The following ZNF529 variants were observed in gnomAD, a reference collection of about 807,000 sequenced individuals.
ZNF529 encodes the protein zinc finger protein 529.
Under a neutral mutation model 10.1 loss-of-function variants are expected in ZNF529, and 11 were observed. The ratio of observed to expected loss-of-function variants is 1.09; its 90% confidence interval spans 0.69 to 1.81. ZNF529 has a LOEUF of 1.81. Among genes scored for constraint, ZNF529 ranks in the 40% most tolerant of loss-of-function variants. ZNF529 has a pLI of 0.00. For missense variants in ZNF529, 624 were observed against 666.8 expected, an observed-to-expected ratio of 0.94 and a Z score of 0.71; for synonymous variants, 204 against 215.7, an observed-to-expected ratio of 0.95 and a Z score of 0.47.
intron 4 of ZNF529, among the ~76,000 whole-genome samples, chr19:36,552,241 T>C (rs1325694024): frequency 2.0e-5 from 3 of 151,996 alleles, no homozygotes; most frequent in Non-Finnish European, 4.4e-5. Context: ...CTATCCTGGC[T>C]AACACGGTGA....
chr19:36,573,597 T>G (rs1600322253), upstream of ZNF529: 2 of 416,048 alleles, frequency 4.8e-6, no homozygotes, highest in Non-Finnish European at 1.0e-5. Context: ...GGGGCGAGGG[T>G]GGTCTTGGGG....
intron 4 of ZNF529, among the ~76,000 whole-genome samples, chr19:36,550,483 T>G (rs1468037715): frequency 6.6e-6 from 1 of 151,854 alleles, no homozygotes; most frequent in Non-Finnish European, 1.5e-5. Context: ...GAGACGGAGG[T>G]TGCAGTGAGC....
chr19:36,568,438 CT>C (rs1349080084), intron 2 of ZNF529, among the ~76,000 whole-genome samples: 1 of 69,508 alleles, frequency 1.4e-5, no homozygotes, highest in Non-Finnish European at 3.8e-5. Context: ...CCTTGAGGTA[CT>C]GAGGTACTGG....
chr19:36,568,564 C>T (rs1201064222), intron 2 of ZNF529, among the ~76,000 whole-genome samples: 1 of 151,792 alleles, frequency 6.6e-6, no homozygotes, highest in Non-Finnish European at 1.5e-5. Context: ...CTCTGCCTCC[C>T]AGGTTCAAGC....
At chr19:36,565,732 G>A (rs572298009) in intron 2 of ZNF529, among the ~76,000 whole-genome samples, 3 of 152,150 alleles carry the variant, frequency 2.0e-5, no homozygotes, top group African/African-American at 7.2e-5. Flanking sequence ...CAACGATAAA[G>A]GTACCTAAAT....
At chr19:36,577,177 C>A, upstream of ZNF529, 1 of 453,608 alleles carries the variant, frequency 2.2e-6, no homozygotes, top group South Asian at 1.6e-5. Context: ...CTGGGCTGGT[C>A]TGGAACTCCT....
intron 1 of ZNF529, among the ~76,000 whole-genome samples, 167 bp from the exon 2 acceptor site, chr19:36,572,559 C>T (rs2036163277): frequency 6.6e-6 from 1 of 152,094 alleles, no homozygotes; most frequent in African/African-American, 2.4e-5. Context: ...AAGGTACGAC[C>T]AATGCCTAGC....
In ZNF529 at chr19:36,548,369, A is replaced by C. The variant is rs917206152; in HGVS notation, c.236-47T>G. 7.6e-6 allele frequency: 11 copies of C among 1,450,158 alleles called. No individual in the cohort carries two copies. The African/African-American group carries it at 1.6e-4, about 21-fold the overall frequency. 89.8% of individuals were successfully genotyped at this position (1,450,158 alleles called of 1,614,324 possible). ...TTTTCATGTACTACAAAAATAAAACAGTTATAGAAAGAAGAGACAATTTAA... is the reference window on the plus strand; with the variant it reads ...TTTTCATGTACTACAAAAATAAAACCGTTATAGAAAGAAGAGACAATTTAA... On this transcript the variant is annotated intron_variant, in intron 4 of 4. Coordinates refer to ENST00000591340, the MANE Select transcript of ZNF529 (RefSeq NM_020951.5).
chr19:36,552,715 T>C (rs1189918469), intron 4 of ZNF529, among the ~76,000 whole-genome samples: 2 of 152,178 alleles, frequency 1.3e-5, no homozygotes, highest in African/African-American at 4.8e-5. Context: ...AATGTAACAA[T>C]GTTTTTTTTA....
chr19:36,586,342 C>T (rs544867705), intron 2 of ZNF529, among the ~76,000 whole-genome samples: 33 of 152,130 alleles, frequency 2.2e-4, no homozygotes, highest in Middle Eastern at 3.4e-3. Flanking sequence ...CGCGGTGGCT[C>T]ACCCTTGTAA....
rs1478865735 is a variant in ZNF529 at position 36,545,458 on chromosome 19, A to C, written c.*1408T>G. 6.6e-6 allele frequency: 1 copy of C among 152,280 alleles called. No homozygotes were observed. The highest frequency in any genetic ancestry group is 1.9e-4 in the East Asian group (1 of 5,168). The allele number at this position is 152,280 out of a possible 1,614,324, so 9.4% of individuals were successfully genotyped here. On this transcript the variant is annotated 3_prime_UTR_variant, in exon 5 of 5. Transcript: ENST00000591340. The stretch of plus-strand genomic sequence containing the variant: ...GGAGAATAGCCTGAACCTGGGAGGC[A>C]GAGGTTGAGGTGAGCCAAGACTGCG...
chr19:36,579,376 G>A (rs1182968686), intron 2 of ZNF529, among the ~76,000 whole-genome samples: 1 of 152,186 alleles, frequency 6.6e-6, no homozygotes, highest in Non-Finnish European at 1.5e-5. Flanking sequence ...AGTCATAAAA[G>A]AGCAGGTCAT....
chr19:36,603,787 T>G (rs2036968583), intron 1 of ZNF529, among the ~76,000 whole-genome samples: 2 of 152,196 alleles, frequency 1.3e-5, no homozygotes, highest in African/African-American at 4.8e-5. Context: ...CACCAAAGCC[T>G]GGGACTGAAA....
At chr19:36,585,407 T>G (rs1053281829) in intron 2 of ZNF529, among the ~76,000 whole-genome samples, 1 of 152,204 alleles carries the variant, frequency 6.6e-6, no homozygotes, top group Non-Finnish European at 1.5e-5. Flanking sequence ...TGCTCACAGA[T>G]CTAGCTACAA....
At chr19:36,570,926 C>A (rs1172397000) in intron 2 of ZNF529, among the ~76,000 whole-genome samples, 8 of 151,890 alleles carry the variant, frequency 5.3e-5, no homozygotes, top group Non-Finnish European at 1.2e-4. Context: ...TCATAAAGAC[C>A]CTAAAGCACT....
intron 2 of ZNF529, chr19:36,580,336 AGTAAT>A (rs1230333461): frequency 3.6e-5 from 5 of 140,374 alleles, no homozygotes; most frequent in African/African-American, 8.5e-5. Context: ...TACATAAACT[AGTAAT>A]GTAATCACTT....
In ZNF529 at chr19:36,585,374, G is replaced by C. The variant is rs372641406; in HGVS notation, c.-41+4241C>G. Among the ~76,000 whole-genome samples the C allele has an allele frequency of 2.0e-4, 30 of 152,306 alleles. No homozygotes were observed. In the East Asian group the frequency reaches 2.9e-3, roughly 15 times the overall value. On this transcript the variant is annotated intron_variant, in intron 2 of 4. Coordinates refer to the ZNF529 transcript ENST00000585960. ...TCATGTGGAGTAACAGGGCTGCAGA[G>C]CAGTCAGTGTTCCAGAGCCCTGTGC... is the stretch of plus-strand genomic sequence containing the variant.
rs112005921 is a variant in ZNF529, at chr19:36,558,448, A to G, written c.15-2251T>C. ...AAGCAGTAAAAGGAAACTGCAGGCTAGAAGTGAAACTAATACAAAAGTATT... is the reference window on the plus strand; with the variant it reads ...AAGCAGTAAAAGGAAACTGCAGGCTGGAAGTGAAACTAATACAAAAGTATT... On this transcript the variant is annotated intron_variant, in intron 2 of 4. Coordinates refer to ENST00000591340, the MANE Select transcript of ZNF529 (RefSeq NM_020951.5). 3.3e-3 allele frequency among the ~76,000 whole-genome samples: 505 copies of G among 152,264 alleles called. 2 individuals carry two copies. Among genetic ancestry groups the G allele is most frequent in the African/African-American group, 0.012 (482 of 41,552 alleles).
chr19:36,568,049 C>A (rs2035962303), intron 2 of ZNF529, among the ~76,000 whole-genome samples: 1 of 152,038 alleles, frequency 6.6e-6, no homozygotes, highest in Non-Finnish European at 1.5e-5. Flanking sequence ...AAATGGTCAA[C>A]AAGTACATGG....
Sources: gnomAD v4.1 joint callset for allele counts (sites outside exome capture counted in the v4.1 genomes callset) on GRCh38, gnomAD v4.1.1 for gene constraint, MANE v1.5 for transcripts, NCBI Gene and HGNC (gene_info 2026-07-23, HGNC 2026-07-21) for gene names.